The following RBPMS variants were observed in gnomAD, a reference collection of about 807,000 sequenced individuals.
RBPMS encodes the protein RNA-binding protein with multiple splicing.
A neutral mutation model predicts 26.8 loss-of-function variants in RBPMS; 7 were observed. That is an observed-to-expected ratio of 0.26 (90% CI 0.15 to 0.49). RBPMS has a LOEUF of 0.49. Ranked by LOEUF, RBPMS falls within the 20% of genes least tolerant of loss-of-function variation. RBPMS has a pLI of 0.98. For missense variants in RBPMS, 186 were observed against 250.0 expected, an observed-to-expected ratio of 0.74 and a Z score of 1.73; for synonymous variants, 96 against 93.3, an observed-to-expected ratio of 1.03 and a Z score of -0.17.
chr8:30,560,081 A>G (rs1827320241), intron 7 of RBPMS, among the ~76,000 whole-genome samples: 1 of 152,234 alleles, frequency 6.6e-6, no homozygotes. Flanking sequence ...AAGACACTAG[A>G]GCTGAACTCG....
chr8:30,505,708 T>C (rs1821006772), intron 5 of RBPMS, among the ~76,000 whole-genome samples: 1 of 152,208 alleles, frequency 6.6e-6, no homozygotes, highest in Non-Finnish European at 1.5e-5. Flanking sequence ...TTCATCCTTA[T>C]AGTATCTAGC....
chr8:30,535,226 G>C (rs1824658336), intron 5 of RBPMS, among the ~76,000 whole-genome samples: 1 of 152,136 alleles, frequency 6.6e-6, no homozygotes, highest in Non-Finnish European at 1.5e-5. Flanking sequence ...ATATCCTCTT[G>C]CTAGTTTTAA....
chr8:30,550,339 C>T (rs1240440538), intron 6 of RBPMS, among the ~76,000 whole-genome samples: 2 of 152,220 alleles, frequency 1.3e-5, no homozygotes, highest in African/African-American at 4.8e-5. Flanking sequence ...TTCTTAACCT[C>T]TCTGGGCTTC....
chr8:30,438,746 G>A (rs994566547), intron 1 of RBPMS, among the ~76,000 whole-genome samples: 3 of 151,846 alleles, frequency 2.0e-5, no homozygotes, highest in Non-Finnish European at 4.4e-5. Context: ...TATCTATATA[G>A]AGAGATAGGA....
intron 5 of RBPMS, among the ~76,000 whole-genome samples, chr8:30,506,698 C>A (rs1396945263): frequency 1.3e-5 from 2 of 152,156 alleles, no homozygotes; most frequent in Non-Finnish European, 2.9e-5. Flanking sequence ...TGGAAAGGCC[C>A]TGAAGGCTAG....
At chr8:30,476,796 A>G (rs910791930) in intron 2 of RBPMS, among the ~76,000 whole-genome samples, 2 of 152,148 alleles carry the variant, frequency 1.3e-5, no homozygotes, top group African/African-American at 2.4e-5. Flanking sequence ...TTATTTTCAG[A>G]AATAAACACA....
At chr8:30,453,789 A>G (rs145321275) in intron 1 of RBPMS, 28 of 152,300 alleles carry the variant, frequency 1.8e-4, no homozygotes, top group African/African-American at 5.1e-4. Context: ...AAGGGCCACA[A>G]TCTCATCTCA....
chr8:30,511,668 A>C (rs895431937), intron 5 of RBPMS, among the ~76,000 whole-genome samples: 10 of 150,614 alleles, frequency 6.6e-5, no homozygotes, highest in South Asian at 2.1e-4. Flanking sequence ...TATACACACA[A>C]AAAAAATTAG....
At chr8:30,484,261 C>T (rs1234126194) in intron 4 of RBPMS, among the ~76,000 whole-genome samples, 15 of 152,274 alleles carry the variant, frequency 9.9e-5, no homozygotes, top group South Asian at 2.1e-4. Flanking sequence ...TGGATTCTTG[C>T]TAAATGCTGT....
chr8:30,438,499 C>G (rs1238923762), intron 1 of RBPMS, among the ~76,000 whole-genome samples: 2 of 152,208 alleles, frequency 1.3e-5, no homozygotes, highest in African/African-American at 4.8e-5. Flanking sequence ...GCTTAACTGA[C>G]TACCTCTAAA....
intron 2 of RBPMS, 117 bp from the exon 3 acceptor site, chr8:30,477,682 A>T: frequency 1.4e-6 from 1 of 691,590 alleles, no homozygotes; most frequent in South Asian, 1.8e-5. Flanking sequence ...TTTCCCAGAT[A>T]ACTTAGGAGA....
chr8:30,521,367 T>C (rs1223435884), intron 5 of RBPMS, among the ~76,000 whole-genome samples: 4 of 152,326 alleles, frequency 2.6e-5, no homozygotes, highest in South Asian at 2.1e-4. Flanking sequence ...GGTTCTGTCA[T>C]GATTGGTTTG....
chr8:30,507,379 T>C (rs1563388217), intron 5 of RBPMS, among the ~76,000 whole-genome samples: 1 of 152,212 alleles, frequency 6.6e-6, no homozygotes, highest in Non-Finnish European at 1.5e-5. Context: ...ATATAGTGTA[T>C]GTAAAGTACT....
chr8:30,477,939 GT>G (rs1328399657), intron 3 of RBPMS, 102 bp downstream of exon 3: 16 of 796,736 alleles, frequency 2.0e-5, no homozygotes, highest in Middle Eastern at 2.4e-4. Flanking sequence ...AATTTGAGGG[GT>G]TTTTTGTCTT....
chr8:30,549,448 A>G (rs974337804), intron 6 of RBPMS: 7 of 1,465,848 alleles, frequency 4.8e-6, no homozygotes, highest in Non-Finnish European at 5.7e-6. Context: ...GTTTTCAGAC[A>G]TAAATGAAAT....
chr8:30,534,372 T>C (rs1303159149), intron 5 of RBPMS, among the ~76,000 whole-genome samples: 1 of 152,268 alleles, frequency 6.6e-6, no homozygotes, highest in Non-Finnish European at 1.5e-5. Context: ...TGAGACTTTA[T>C]GCTTGTGAAG....
At chr8:30,486,251 A>T (rs1818752967) in intron 4 of RBPMS, among the ~76,000 whole-genome samples, 1 of 152,056 alleles carries the variant, frequency 6.6e-6, no homozygotes, top group Non-Finnish European at 1.5e-5. Flanking sequence ...GAGGCACGAG[A>T]ATCACTTGAA....
intron 4 of RBPMS, among the ~76,000 whole-genome samples, chr8:30,503,915 C>CTG (rs1820823130): frequency 6.6e-6 from 1 of 152,084 alleles, no homozygotes; most frequent in South Asian, 2.1e-4. Flanking sequence ...ATTTGTTTTA[C>CTG]TGAATATAAT....
chr8:30,476,942 G>A (rs1350974145), intron 2 of RBPMS, among the ~76,000 whole-genome samples: 1 of 152,178 alleles, frequency 6.6e-6, no homozygotes, highest in Admixed American at 6.5e-5. Flanking sequence ...CCCATCAGAA[G>A]AGCAACATGA....
Sources: gnomAD v4.1 joint callset for allele counts (sites outside exome capture counted in the v4.1 genomes callset) on GRCh38, gnomAD v4.1.1 for gene constraint, MANE v1.5 for transcripts, NCBI Gene and HGNC (gene_info 2026-07-23, HGNC 2026-07-21) for gene names.